HINT3: variants seen among roughly 807,000 people sequenced by gnomAD.
HINT3 encodes the protein adenosine 5'-monophosphoramidase HINT3.
A neutral mutation model predicts 19.1 loss-of-function variants in HINT3; 16 were observed. The observed-to-expected ratio is 0.84, with a 90% CI of 0.57 to 1.27. HINT3 has a LOEUF of 1.27. Ranked by LOEUF, HINT3 falls within the 50% of genes most tolerant of loss-of-function variation. The pLI, the probability that HINT3 is intolerant of heterozygous loss-of-function variation, is 0.00. For synonymous variants in HINT3, 75 were observed against 84.8 expected (o/e 0.88, Z 0.63); for missense variants, 197 against 225.8 (o/e 0.87, Z 0.82).
At chr6:125,971,329 A>T (rs970060855) in intron 2 of HINT3, among the ~76,000 whole-genome samples, 1 of 152,132 alleles carries the variant, frequency 6.6e-6, no homozygotes, top group Admixed American at 6.6e-5. Context: ...TAAATCAAAC[A>T]ATTTCTGTTT....
At chr6:125,959,646 G>A (rs532466403) in intron 1 of HINT3, among the ~76,000 whole-genome samples, 21 of 152,354 alleles carry the variant, frequency 1.4e-4, no homozygotes, top group African/African-American at 4.8e-4. Context: ...ACTCTCACAG[G>A]AATTTGGCAA....
chr6:125,962,211 C>T (rs368604916), intron 1 of HINT3, among the ~76,000 whole-genome samples: 975 of 12,090 alleles, frequency 0.081, 60 homozygotes, highest in African/African-American at 0.15. Flanking sequence ...TATATATATA[C>T]ACATATATAT....
intron 2 of HINT3, among the ~76,000 whole-genome samples, chr6:125,970,106 A>T (rs996113925): frequency 1.3e-5 from 2 of 152,166 alleles, no homozygotes; most frequent in Admixed American, 1.3e-4. Flanking sequence ...GATTTTTAAG[A>T]GGTAAGAAAC....
intron 3 of HINT3, among the ~76,000 whole-genome samples, chr6:125,974,238 T>A (rs1326606996): frequency 6.6e-6 from 1 of 152,224 alleles, no homozygotes; most frequent in African/African-American, 2.4e-5. Context: ...TTTAAAAACT[T>A]TGTAACCATT....
chr6:125,967,036 A>G, intron 2 of HINT3, 32 bp downstream of exon 2: 3 of 1,345,944 alleles, frequency 2.2e-6, no homozygotes, highest in Non-Finnish European at 3.2e-6. Flanking sequence ...TCATGTTTAT[A>G]TCATTTTCAG....
In HINT3 at chr6:125,978,290, A is replaced by G. The variant is rs1313973175; in HGVS notation, c.*614A>G. 6.6e-6 allele frequency: 1 copy of G among 152,056 alleles called. No individual in the cohort carries two copies. Among genetic ancestry groups the G allele is most frequent in the African/African-American group, 2.4e-5 (1 of 41,428 alleles). The allele number at this position is 152,056 out of a possible 1,614,324, so 9.4% of individuals were successfully genotyped here. A position where few individuals can be genotyped will look rare whatever the true frequency, so the allele number is the denominator to read the frequency against. On this transcript the variant is annotated 3_prime_UTR_variant, in exon 5 of 5. Transcript: ENST00000229633. ...CTATCCTGAAAGCTATATAATATAT[A>G]TAATTTATATCAATGAATTTACAAT...
rs114371311 is a variant in HINT3 at position 125,978,773 on chromosome 6, A to G, written c.*1097A>G. On this transcript the variant is annotated 3_prime_UTR_variant, in exon 5 of 5. Transcript: ENST00000229633. The stretch of plus-strand genomic sequence containing the variant: ...GTTTTCTTTCTTTTTTAGAGGGGGC[A>G]TGATATTAAAGATAGTTTTAAGTAA... 201 of 152,336 alleles carry G rather than the reference A, an allele frequency of 1.3e-3. 1 individual carries two copies. The highest frequency in any genetic ancestry group is 4.7e-3 in the African/African-American group (194 of 41,586). 9.4% of individuals were successfully genotyped at this position (152,336 alleles called of 1,614,324 possible). A position where few individuals can be genotyped will look rare whatever the true frequency, so the allele number is the denominator to read the frequency against.
At chr6:125,966,396 C>T (rs1789018266) in intron 1 of HINT3, among the ~76,000 whole-genome samples, 1 of 152,080 alleles carries the variant, frequency 6.6e-6, no homozygotes, top group Non-Finnish European at 1.5e-5. Flanking sequence ...GATATAATTG[C>T]TTTAAAAAGT....
intron 1 of HINT3, among the ~76,000 whole-genome samples, chr6:125,963,742 C>T (rs1788978147): frequency 6.6e-6 from 1 of 152,080 alleles, no homozygotes; most frequent in Non-Finnish European, 1.5e-5. Context: ...GCCATTAAAA[C>T]ATCATGGGAG....
chr6:125,960,672 A>T (rs868747675), intron 1 of HINT3, among the ~76,000 whole-genome samples: 1 of 83,436 alleles, frequency 1.2e-5, no homozygotes, highest in Non-Finnish European at 2.9e-5. Context: ...GGGGAAAAAA[A>T]AAGAAGTTAG....
intron 4 of HINT3, 79 bp downstream of exon 4, chr6:125,975,052 T>A: frequency 7.2e-7 from 1 of 1,386,108 alleles, no homozygotes; most frequent in Non-Finnish European, 1.0e-6. Flanking sequence ...TTCTCAACAG[T>A]AGGCACTTAC....
intron 3 of HINT3, among the ~76,000 whole-genome samples, chr6:125,974,022 T>G (rs1789146362): frequency 1.3e-5 from 2 of 152,200 alleles, no homozygotes; most frequent in African/African-American, 4.8e-5. Context: ...ATGTACTGCA[T>G]ATCTGACTCC....
At chr6:125,958,881 G>A (rs148877008) in intron 1 of HINT3, among the ~76,000 whole-genome samples, 61 of 152,288 alleles carry the variant, frequency 4.0e-4, no homozygotes, top group Middle Eastern at 3.4e-3. Flanking sequence ...CAAAATGTCA[G>A]AAGTGCCAAG....
Position 125,977,777 on chromosome 6 carries a change from A to G in HINT3, c.*101A>G, listed in dbSNP as rs1015392052. The G allele has an allele frequency of 1.5e-6, 1 of 648,068 alleles. No homozygotes were observed. The highest frequency in any genetic ancestry group is 2.7e-6 in the Non-Finnish European group (1 of 376,990). 40.1% of individuals were successfully genotyped at this position (648,068 alleles called of 1,614,324 possible). On this transcript the variant is annotated 3_prime_UTR_variant, in exon 5 of 5. Coordinates refer to ENST00000229633, the MANE Select transcript of HINT3 (RefSeq NM_138571.5). ...GCAATTTTAAGATTTGTTGGGTTTT[A>G]TGAGAGGCTGTTACTTAGTGGCCTT... is the stretch of plus-strand genomic sequence containing the variant.
chr6:125,971,228 A>G (rs925853220), intron 2 of HINT3, among the ~76,000 whole-genome samples: 6 of 152,198 alleles, frequency 3.9e-5, no homozygotes, highest in African/African-American at 1.4e-4. Context: ...TCATTATACA[A>G]ATTTTTGGCT....
At chr6:125,958,998 A>G (rs1395763674) in intron 1 of HINT3, among the ~76,000 whole-genome samples, 1 of 152,184 alleles carries the variant, frequency 6.6e-6, no homozygotes, top group African/African-American at 2.4e-5. Context: ...TGGTGGTACC[A>G]TTTCATTAAG....
intron 3 of HINT3, among the ~76,000 whole-genome samples, 197 bp from the exon 4 acceptor site, chr6:125,974,650 T>G (rs981682790): frequency 6.6e-6 from 1 of 152,228 alleles, no homozygotes; most frequent in Non-Finnish European, 1.5e-5. Flanking sequence ...CTTATGTTAC[T>G]ACGAACTTCA....
chr6:125,963,685 G>C (rs1441211896), intron 1 of HINT3, among the ~76,000 whole-genome samples: 1 of 152,132 alleles, frequency 6.6e-6, no homozygotes, highest in Non-Finnish European at 1.5e-5. Flanking sequence ...TATATGTAAA[G>C]CATAGGTATA....
Position 125,978,643 on chromosome 6 carries a change from G to A in HINT3, c.*967G>A, listed in dbSNP as rs1426000527. ...TGAATATGAATGAAGAGTAGGTGCT[G>A]CAAGTTAATCCTACATTGTGCCAGT... On this transcript the variant is annotated 3_prime_UTR_variant, in exon 5 of 5. Transcript: ENST00000229633. 2 of 152,164 alleles carry A rather than the reference G, an allele frequency of 1.3e-5. No homozygotes were observed. The highest frequency in any genetic ancestry group is 2.4e-5 in the African/African-American group (1 of 41,436). The allele number at this position is 152,164 out of a possible 1,614,324, so 9.4% of individuals were successfully genotyped here. A position where few individuals can be genotyped will look rare whatever the true frequency, so the allele number is the denominator to read the frequency against.
Sources: allele counts gnomAD v4.1 joint callset (sites outside exome capture counted in the v4.1 genomes callset), GRCh38; gene constraint gnomAD v4.1.1; transcripts MANE v1.5; gene names NCBI Gene and HGNC (gene_info 2026-07-23, HGNC 2026-07-21).